Variants in HS3ST4 observed in about 807,000 individuals in gnomAD.
The protein encoded by HS3ST4 is heparan sulfate glucosamine 3-O-sulfotransferase 4.
HS3ST4 carries 17 observed loss-of-function variants against 29.2 expected under a neutral mutation model. That is an observed-to-expected ratio of 0.58 (90% confidence interval 0.40 to 0.87). HS3ST4 has a LOEUF of 0.87. HS3ST4 is among the 40% of genes least tolerant of loss of function. HS3ST4 has a pLI of 0.00. For missense variants in HS3ST4, 627 were observed against 634.5 expected, an observed-to-expected ratio of 0.99 and a Z score of 0.13; for synonymous variants, 314 against 285.7, an observed-to-expected ratio of 1.10 and a Z score of -1.00.
At chr16:26,088,525 T>C (rs544411840) in intron 1 of HS3ST4, among the ~76,000 whole-genome samples, 198 of 152,280 alleles carry the variant, frequency 1.3e-3, no homozygotes, top group African/African-American at 4.4e-3. Context: ...TAGTGGCTGG[T>C]AGTTTGTGAT....
At chr16:26,092,503 A>G (rs1271596387) in intron 1 of HS3ST4, among the ~76,000 whole-genome samples, 9 of 152,154 alleles carry the variant, frequency 5.9e-5, no homozygotes. Flanking sequence ...ACATTGTCTT[A>G]TGTACCTCTG....
At chr16:26,111,556 A>G (rs778580883) in intron 1 of HS3ST4, among the ~76,000 whole-genome samples, 1 of 152,220 alleles carries the variant, frequency 6.6e-6, no homozygotes, top group Non-Finnish European at 1.5e-5. Context: ...ATAATTCAGT[A>G]TAGTAGTGGC....
intron 1 of HS3ST4, among the ~76,000 whole-genome samples, chr16:25,708,999 A>C (rs1966395437): frequency 6.6e-6 from 1 of 152,232 alleles, no homozygotes; most frequent in Non-Finnish European, 1.5e-5. Context: ...TATAACACAG[A>C]AATCCAAGGT....
At chr16:26,104,318 G>C (rs948036188) in intron 1 of HS3ST4, among the ~76,000 whole-genome samples, 3 of 151,400 alleles carry the variant, frequency 2.0e-5, no homozygotes, top group African/African-American at 7.3e-5. Context: ...TTCTAGGCTT[G>C]TTGTTGACTG....
rs568999086 is a variant in HS3ST4 at position 26,006,866 on chromosome 16, A to G, written c.735-128746A>G. Among the ~76,000 whole-genome samples, 7 of 152,312 alleles carry G rather than the reference A, an allele frequency of 4.6e-5. 1 individual carries two copies. In the South Asian group the frequency reaches 1.4e-3, roughly 32 times the overall value. The stretch of plus-strand genomic sequence containing the variant: ...TGGAAGTCTTTCGTTAACTTTACAA[A>G]CGTGGTTCAGTTTTGGGGAAGGGCT... On this transcript the variant is annotated intron_variant, in intron 1 of 1. Transcript: ENST00000331351.
intron 1 of HS3ST4, among the ~76,000 whole-genome samples, chr16:25,979,582 G>A (rs112989557): frequency 0.03 from 4,585 of 152,236 alleles, 255 homozygotes; most frequent in African/African-American, 0.11. Context: ...AGATGGGACC[G>A]TCTAGTTGCA....
At chr16:25,772,645 T>C (rs540585563) in intron 1 of HS3ST4, among the ~76,000 whole-genome samples, 22 of 152,338 alleles carry the variant, frequency 1.4e-4, no homozygotes, top group African/African-American at 4.6e-4. Flanking sequence ...AAATACACAC[T>C]GTAAAAGTCA....
chr16:25,785,813 A>T lies in HS3ST4; in HGVS notation c.734+92662A>T, dbSNP rs530315692. Among the ~76,000 whole-genome samples, 511 of 152,298 alleles carry T rather than the reference A, an allele frequency of 3.4e-3. 6 individuals carry two copies. Among genetic ancestry groups the T allele is most frequent in the Middle Eastern group, 6.8e-3 (2 of 294 alleles). On this transcript the variant is annotated intron_variant, in intron 1 of 1. Transcript: ENST00000331351. The stretch of plus-strand genomic sequence containing the variant: ...GAGAAGAAGAGGGGAAGTGAGTGAC[A>T]CAAGCCGGGAGAGGGGTGGTAATGG...
rs567199423 is a variant in HS3ST4 at position 26,045,669 on chromosome 16, A to AT, written c.735-89936dup. 3.5e-3 allele frequency among the ~76,000 whole-genome samples: 529 copies of AT among 152,080 alleles called. 2 individuals are homozygous for AT. The highest frequency in any genetic ancestry group is 0.012 in the African/African-American group (508 of 41,480). ...ACTCTTCCTAAGCCCTTGATGGCTG[A>AT]TTTTTTTGGTACATCCGACACCTTC... On this transcript the variant is annotated intron_variant, in intron 1 of 1. Coordinates refer to ENST00000331351, the MANE Select transcript of HS3ST4 (RefSeq NM_006040.3).
intron 1 of HS3ST4, among the ~76,000 whole-genome samples, chr16:25,792,864 T>C (rs1033035872): frequency 6.6e-6 from 1 of 151,884 alleles, no homozygotes; most frequent in Non-Finnish European, 1.5e-5. Context: ...GTTTTCCAAA[T>C]TTTTGAGCTA....
rs61054132 is a variant in HS3ST4, at chr16:25,756,127, TACACAC to T, written c.734+62997_734+63002del. The stretch of plus-strand genomic sequence containing the variant: ...TGTTATAGAAACACACACACACACA[TACACAC>T]ACACACACACACACACACACGCACA... On this transcript the variant is annotated intron_variant, in intron 1 of 1. Transcript: ENST00000331351. 2.7e-3 allele frequency among the ~76,000 whole-genome samples: 375 copies of T among 140,752 alleles called. 1 individual carries two copies. Among genetic ancestry groups the T allele is most frequent in the African/African-American group, 7.7e-3 (302 of 39,138 alleles). The allele number at this position is 140,752 out of a possible 152,430, so 92.3% of individuals were successfully genotyped here.
chr16:25,959,140 T>C (rs1968768217), intron 1 of HS3ST4, among the ~76,000 whole-genome samples: 1 of 152,022 alleles, frequency 6.6e-6, no homozygotes, highest in South Asian at 2.1e-4. Flanking sequence ...AGTGTGGAGA[T>C]TGTTATTTAT....
chr16:25,929,977 C>T (rs1264136296), intron 1 of HS3ST4, among the ~76,000 whole-genome samples: 36 of 152,068 alleles, frequency 2.4e-4, no homozygotes, highest in Admixed American at 2.4e-3. Context: ...TAAGTAGGCC[C>T]CATTGTCTGT....
chr16:25,968,805 TTTTG>T (rs199502212), intron 1 of HS3ST4, among the ~76,000 whole-genome samples: 28 of 152,090 alleles, frequency 1.8e-4, no homozygotes, highest in Admixed American at 6.5e-4. Flanking sequence ...TCAACAAAAT[TTTTG>T]TTTGTTTGTT....
chr16:25,873,278 T>TCATC (rs879378801), intron 1 of HS3ST4, among the ~76,000 whole-genome samples: 13,526 of 110,030 alleles, frequency 0.12, 779 homozygotes, highest in East Asian at 0.16. Flanking sequence ...ATTTGTCCAT[T>TCATC]CATCCATCCA....
At chr16:25,940,774 T>G (rs1968564629) in intron 1 of HS3ST4, among the ~76,000 whole-genome samples, 1 of 152,174 alleles carries the variant, frequency 6.6e-6, no homozygotes, top group Non-Finnish European at 1.5e-5. Flanking sequence ...GGCAGAAGGT[T>G]TGCATTCAGA....
intron 1 of HS3ST4, among the ~76,000 whole-genome samples, chr16:26,057,026 C>T (rs921583901): frequency 6.6e-6 from 1 of 152,160 alleles, no homozygotes; most frequent in African/African-American, 2.4e-5. Flanking sequence ...CAAATGCCCC[C>T]AGATCTGAAA....
intron 1 of HS3ST4, among the ~76,000 whole-genome samples, chr16:26,059,333 T>C (rs1898448404): frequency 6.6e-6 from 1 of 152,034 alleles, no homozygotes; most frequent in African/African-American, 2.4e-5. Context: ...CTCTCTCTCT[T>C]TTTTTTGAAT....
At chr16:25,946,550 C>T (rs67224695) in intron 1 of HS3ST4, among the ~76,000 whole-genome samples, 18,320 of 152,154 alleles carry the variant, frequency 0.12, 1,192 homozygotes, top group African/African-American at 0.15. Flanking sequence ...AGCAATGTGC[C>T]AGGGAGTGTG....
Sources: allele counts gnomAD v4.1 joint callset (sites outside exome capture counted in the v4.1 genomes callset), GRCh38; gene constraint gnomAD v4.1.1; transcripts MANE v1.5; gene names NCBI Gene and HGNC (gene_info 2026-07-23, HGNC 2026-07-21).